MACROD2: variants seen among roughly 807,000 people sequenced by gnomAD.
MACROD2 encodes ADP-ribose glycohydrolase MACROD2.
MACROD2 carries 36 observed loss-of-function variants against 70.4 expected under a neutral mutation model. That is an observed-to-expected ratio of 0.51 (90% CI 0.39 to 0.68). The LOEUF (loss-of-function observed/expected upper bound fraction) is 0.68, where lower values mean the gene tolerates loss of function less well. Among genes scored for constraint, MACROD2 ranks in the 30% least tolerant of loss-of-function variants. The pLI is 0.00. For missense variants in MACROD2, 496 were observed against 538.4 expected (o/e 0.92, Z 0.78); for synonymous variants, 172 against 178.8 (o/e 0.96, Z 0.30).
At chr20:15,386,005 G>A (rs2045707856) in intron 6 of MACROD2, among the ~76,000 whole-genome samples, 1 of 152,162 alleles carries the variant, frequency 6.6e-6, no homozygotes, top group Admixed American at 6.6e-5. Context: ...TTGAGGGTCT[G>A]AAAAGCTGCT....
intron 5 of MACROD2, among the ~76,000 whole-genome samples, chr20:14,747,168 C>T (rs1438378028): frequency 6.6e-6 from 1 of 152,134 alleles, no homozygotes; most frequent in Non-Finnish European, 1.5e-5. Flanking sequence ...GCTCATTCTT[C>T]TATAGCAGCC....
chr20:15,843,145 T>G (rs958338107), intron 8 of MACROD2, among the ~76,000 whole-genome samples: 3 of 152,158 alleles, frequency 2.0e-5, no homozygotes, highest in Non-Finnish European at 4.4e-5. Context: ...GTAATCAACA[T>G]GAAAAACACT....
intron 5 of MACROD2, among the ~76,000 whole-genome samples, chr20:15,185,151 A>G (rs1012175073): frequency 3.3e-5 from 5 of 152,176 alleles, no homozygotes; most frequent in African/African-American, 1.2e-4. Flanking sequence ...TATCCTCCCT[A>G]TTACCAGACA....
At chr20:15,304,842 A>C (rs957517960) in intron 6 of MACROD2, among the ~76,000 whole-genome samples, 2 of 152,246 alleles carry the variant, frequency 1.3e-5, no homozygotes, top group Non-Finnish European at 2.9e-5. Flanking sequence ...CAGGAATAAA[A>C]ACTTCCACTC....
At chr20:14,678,325 G>A (rs759559135) in intron 4 of MACROD2, among the ~76,000 whole-genome samples, 1 of 152,102 alleles carries the variant, frequency 6.6e-6, no homozygotes, top group African/African-American at 2.4e-5. Flanking sequence ...AGAGTGTTTG[G>A]GAAGTACTGT....
chr20:15,441,723 C>T, intron 7 of MACROD2, among the ~76,000 whole-genome samples: 1 of 152,152 alleles, frequency 6.6e-6, no homozygotes, highest in East Asian at 1.9e-4. Flanking sequence ...GTAGTTGTGT[C>T]AAGGTAAAAG....
At chr20:14,744,697 T>C (rs1274945533) in intron 5 of MACROD2, among the ~76,000 whole-genome samples, 2 of 152,158 alleles carry the variant, frequency 1.3e-5, no homozygotes, top group African/African-American at 4.8e-5. Flanking sequence ...GCTTAAGAAG[T>C]GCTTTTGCAT....
chr20:14,237,332 C>G (rs2081885243), intron 3 of MACROD2, among the ~76,000 whole-genome samples: 1 of 151,882 alleles, frequency 6.6e-6, no homozygotes, highest in South Asian at 2.1e-4. Context: ...CAGCCACATA[C>G]TTTGTATATA....
rs1046569874 is a variant in MACROD2 at position 15,037,349 on chromosome 20, T to A, written c.419-192591T>A. On this transcript the variant is annotated intron_variant, in intron 5 of 17. Transcript: ENST00000684519. ...GAAATCCTCAAAAGCCATACTTTTT[T>A]AAATTCTTGTTTTTGAAACATTTCT... Among the ~76,000 whole-genome samples, 10 of 152,370 alleles carry A rather than the reference T, an allele frequency of 6.6e-5. No homozygotes were observed. The South Asian group carries it at 1.0e-3, about 16-fold the overall frequency.
chr20:14,587,181 A>G (rs1981440730), intron 4 of MACROD2, among the ~76,000 whole-genome samples: 1 of 151,886 alleles, frequency 6.6e-6, no homozygotes, highest in Admixed American at 6.6e-5. Flanking sequence ...GTCTATTGAT[A>G]TTGTGATTAA....
intron 5 of MACROD2, among the ~76,000 whole-genome samples, chr20:14,936,934 G>A (rs1568885927): frequency 6.6e-6 from 1 of 152,142 alleles, no homozygotes; most frequent in Non-Finnish European, 1.5e-5. Flanking sequence ...CAATCACTAA[G>A]TTAGGAGCAG....
At position 15,716,507 on chromosome 20, in the gene MACROD2, G is replaced by A. The variant is rs201846514; in HGVS notation, c.646-146238G>A. On this transcript the variant is annotated intron_variant, in intron 8 of 17. Coordinates refer to ENST00000684519, the MANE Select transcript of MACROD2 (RefSeq NM_001351661.2). ...ACCATTTTAAATGGTTAGTTTTCAG[G>A]AGATTAGCAGGGAGCACTGCCTTTT... Among the ~76,000 whole-genome samples the A allele has an allele frequency of 1.8e-4, 27 of 152,320 alleles. No homozygotes were observed. In the East Asian group the frequency reaches 5.2e-3, roughly 29 times the overall value.
chr20:15,794,723 G>C (rs1341369160), intron 8 of MACROD2, among the ~76,000 whole-genome samples: 1 of 152,162 alleles, frequency 6.6e-6, no homozygotes, highest in Non-Finnish European at 1.5e-5. Context: ...AGGATGTAAA[G>C]CTTGTCTGTC....
intron 5 of MACROD2, among the ~76,000 whole-genome samples, chr20:15,096,030 C>T (rs756227308): frequency 3.9e-5 from 6 of 152,114 alleles, no homozygotes; most frequent in Non-Finnish European, 8.8e-5. Flanking sequence ...CTGTGATTAG[C>T]TAACAAAAGA....
At chr20:14,051,919 C>T (rs1569135884) in intron 2 of MACROD2, 1 of 517,858 alleles carries the variant, frequency 1.9e-6, no homozygotes, top group Non-Finnish European at 3.9e-6. Context: ...CACCATCATT[C>T]AGGATGCATC....
chr20:14,980,736 C>T (rs1327035663), intron 5 of MACROD2, among the ~76,000 whole-genome samples: 2 of 152,074 alleles, frequency 1.3e-5, no homozygotes, highest in African/African-American at 4.8e-5. Context: ...TTTTTATTGA[C>T]CATGGTAGTA....
chr20:15,320,288 G>A (rs968842146), intron 6 of MACROD2, among the ~76,000 whole-genome samples: 1 of 152,176 alleles, frequency 6.6e-6, no homozygotes, highest in South Asian at 2.1e-4. Context: ...ATTGAGTAAG[G>A]AATTCCCTTT....
At chr20:14,992,222 A>G (rs974309095) in intron 5 of MACROD2, among the ~76,000 whole-genome samples, 1 of 152,188 alleles carries the variant, frequency 6.6e-6, no homozygotes, top group Non-Finnish European at 1.5e-5. Flanking sequence ...GAAATTTCTC[A>G]TCTACAACAT....
intron 6 of MACROD2, among the ~76,000 whole-genome samples, chr20:15,277,382 T>G (rs2146080701): frequency 6.6e-6 from 1 of 152,332 alleles, no homozygotes; most frequent in Admixed American, 6.5e-5. Context: ...ATTGAAGGAT[T>G]GGTGCTGATG....
Sources: allele counts gnomAD v4.1 joint callset (sites outside exome capture counted in the v4.1 genomes callset), GRCh38; gene constraint gnomAD v4.1.1; transcripts MANE v1.5; gene names NCBI Gene and HGNC (gene_info 2026-07-23, HGNC 2026-07-21).